Variants in RAD54B observed in about 807,000 individuals in gnomAD.
RAD54B encodes DNA repair and recombination protein RAD54B.
RAD54B carries 78 observed loss-of-function variants against 95.8 expected under a neutral mutation model. The ratio of observed to expected loss-of-function variants is 0.81; its 90% CI spans 0.68 to 0.98. The LOEUF (loss-of-function observed/expected upper bound fraction) is 0.98. RAD54B is among the 50% of genes least tolerant of loss of function. The probability of loss-of-function intolerance (pLI) is 0.00; values close to 1 mark genes in which losing one functional copy is unlikely to be tolerated. For synonymous variants in RAD54B, 328 were observed against 354.9 expected, an observed-to-expected ratio of 0.92 and a Z score of 0.85; for missense variants, 957 against 1,056.6, an observed-to-expected ratio of 0.91 and a Z score of 1.31.
intron 2 of RAD54B, among the ~76,000 whole-genome samples, chr8:94,458,962 G>A (rs1341488542): frequency 1.3e-5 from 2 of 152,020 alleles, no homozygotes; most frequent in Non-Finnish European, 2.9e-5. Flanking sequence ...TGATATGACA[G>A]AATGAAAAAT....
chr8:94,383,582 T>G (rs1186136085), intron 11 of RAD54B, among the ~76,000 whole-genome samples: 1 of 152,214 alleles, frequency 6.6e-6, no homozygotes, highest in Non-Finnish European at 1.5e-5. Context: ...CTATTATTAG[T>G]TATTGTTGTT....
At chr8:94,406,157 A>G (rs535002883) in intron 5 of RAD54B, among the ~76,000 whole-genome samples, 68 of 152,038 alleles carry the variant, frequency 4.5e-4, no homozygotes, top group African/African-American at 1.4e-3. Flanking sequence ...TATACTAGAC[A>G]CTCTAAATCT....
At position 94,391,643 on chromosome 8, in the gene RAD54B, C is replaced by T. The variant is rs777292305; in HGVS notation, c.1775G>A (p.Cys592Tyr). 1.5e-5 allele frequency: 25 copies of T among 1,613,696 alleles called. No homozygotes were observed. The East Asian group carries it at 3.6e-4, about 23-fold the overall frequency. The change falls in exon 10 of 15, where the codon TGC (cysteine) becomes TAC (tyrosine). Residue 592 changes from cysteine to tyrosine, a missense_variant. Transcript: ENST00000336148. ...LICIGALKKLCNHPCLLFNSI... is the reference protein window; with the variant it reads ...LICIGALKKLYNHPCLLFNSI... ...GTTGAACAAAAGGCAGGGGTGATTG[C>T]ACAGTTTTTTAAGAGCTCCTATACA...
At position 94,459,790 on chromosome 8, in the gene RAD54B, G is replaced by A. The variant is rs536360379; in HGVS notation, c.136-1354C>T. On this transcript the variant is annotated intron_variant, in intron 2 of 14. Coordinates refer to ENST00000336148, the MANE Select transcript of RAD54B (RefSeq NM_012415.3). ...CAGGAGAATCGCTTGAACTCAGGAG[G>A]CAGAGGTTGCAGTGAGCCAAGAATG... 3.4e-3 allele frequency among the ~76,000 whole-genome samples: 518 copies of A among 151,878 alleles called. 1 individual carries two copies. Among genetic ancestry groups the A allele is most frequent in the African/African-American group, 0.012 (482 of 41,408 alleles).
intron 14 of RAD54B, among the ~76,000 whole-genome samples, chr8:94,375,829 C>T (rs1810554000): frequency 6.6e-6 from 1 of 151,750 alleles, no homozygotes. Flanking sequence ...TATATGCATA[C>T]ATATATATCT....
chr8:94,374,613 A>G (rs918837363), intron 14 of RAD54B, among the ~76,000 whole-genome samples: 1 of 152,188 alleles, frequency 6.6e-6, no homozygotes, highest in Non-Finnish European at 1.5e-5. Flanking sequence ...AACCCTAATG[A>G]TAAGAAAACT....
chr8:94,393,751 C>A lies in RAD54B; in HGVS notation c.1510G>T (p.Ala504Ser). 6.3e-7 allele frequency: 1 copy of A among 1,576,538 alleles called. No homozygotes were observed. The highest frequency in any genetic ancestry group is 8.7e-7 in the Non-Finnish European group (1 of 1,149,742). ...EPIILSREPS[A>S]SEEEKELGER... ...ATTAGAGTAAATTATACCTCAGAAG[C>A]AGAAGGTTCTCTCGATAAAATGATG... The change falls in exon 9 of 15, where the codon GCT (alanine) becomes TCT (serine). Residue 504 changes from alanine to serine, a missense_variant. Ala to Ser is a moderately conservative substitution (Grantham distance 99). Transcript: ENST00000336148.
intron 2 of RAD54B, among the ~76,000 whole-genome samples, chr8:94,466,312 T>C (rs1813022734): frequency 6.6e-6 from 1 of 152,148 alleles, no homozygotes; most frequent in African/African-American, 2.4e-5. Flanking sequence ...TATATGCCTT[T>C]CATATATACT....
intron 3 of RAD54B, among the ~76,000 whole-genome samples, chr8:94,419,944 C>T (rs2515142): frequency 0.095 from 14,430 of 152,056 alleles, 1,124 homozygotes; most frequent in East Asian, 0.32. Flanking sequence ...CATATTTTTA[C>T]TGTATATTTT....
At chr8:94,380,628 C>T (rs934823644) in intron 11 of RAD54B, among the ~76,000 whole-genome samples, 1 of 152,208 alleles carries the variant, frequency 6.6e-6, no homozygotes, top group Non-Finnish European at 1.5e-5. Flanking sequence ...CTGCCTTCTT[C>T]ATCTCTCTGA....
At chr8:94,430,790 G>A (rs749286123) in intron 3 of RAD54B, 133 of 985,194 alleles carry the variant, frequency 1.3e-4, no homozygotes, top group Non-Finnish European at 1.4e-4. Context: ...GTTTATCCCC[G>A]CATGTGAAAA....
intron 14 of RAD54B, among the ~76,000 whole-genome samples, chr8:94,373,841 C>G (rs1382255633): frequency 6.6e-6 from 1 of 152,054 alleles, no homozygotes; most frequent in Non-Finnish European, 1.5e-5. Context: ...TAGCATGTAT[C>G]ATTTCACTTA....
At chr8:94,392,363 G>A (rs1756548548) in intron 9 of RAD54B, among the ~76,000 whole-genome samples, 1 of 152,104 alleles carries the variant, frequency 6.6e-6, no homozygotes, top group South Asian at 2.1e-4. Flanking sequence ...CCGGGTTCAA[G>A]GGAACCTCTT....
chr8:94,407,326 A>G, intron 5 of RAD54B, 113 bp downstream of exon 5: 1 of 1,011,710 alleles, frequency 9.9e-7, no homozygotes, highest in Admixed American at 2.8e-5. Context: ...TATCTCAAGA[A>G]TAATGTATAC....
At chr8:94,453,267 G>A (rs1012531686) in intron 3 of RAD54B, among the ~76,000 whole-genome samples, 1 of 152,162 alleles carries the variant, frequency 6.6e-6, no homozygotes, top group Non-Finnish European at 1.5e-5. Context: ...AGCGGCTCAC[G>A]TCTGTAATCC....
In RAD54B at chr8:94,372,054, T is replaced by TA. The variant is rs1388017455; in HGVS notation, c.*115dup. ...ATTTTGACTATTGTATCAAAAGTGA[T>TA]ATATTTTGCAACATATACTGTAATT... On this transcript the variant is annotated 3_prime_UTR_variant, in exon 15 of 15. Transcript: ENST00000336148. The TA allele has an allele frequency of 8.4e-6, 12 of 1,431,320 alleles. No homozygotes were observed. The highest frequency in any genetic ancestry group is 7.3e-6 in the Non-Finnish European group (8 of 1,093,836). 88.7% of individuals were successfully genotyped at this position (1,431,320 alleles called of 1,614,324 possible).
chr8:94,387,021 G>C lies in RAD54B; in HGVS notation c.1948C>G (p.Leu650Val). 6.2e-7 allele frequency: 1 copy of C among 1,610,630 alleles called. No individual in the cohort carries two copies. The highest frequency in any genetic ancestry group is 8.5e-7 in the Non-Finnish European group (1 of 1,179,030). Residue 650 changes from leucine (L) to valine (V), a missense_variant, in exon 11 of 15, where the codon CTC becomes GTC. Leu to Val is a conservative substitution (Grantham distance 32). Transcript: ENST00000336148. ...CGAAGTTCGTGGATAACCGCTAAGA[G>C]CTTGGACAACACCTGTAGTTTTCCT... ...ESGKLQVLSK[L>V]LAVIHELRPT...
intron 3 of RAD54B, among the ~76,000 whole-genome samples, chr8:94,441,134 A>C (rs561821388): frequency 4.8e-4 from 73 of 152,292 alleles, no homozygotes; most frequent in Non-Finnish European, 6.8e-4. Flanking sequence ...GCTTGCTCAA[A>C]TCAATCACGA....
chr8:94,381,303 T>C (rs201941616), intron 11 of RAD54B, among the ~76,000 whole-genome samples: 5 of 152,156 alleles, frequency 3.3e-5, no homozygotes, highest in Non-Finnish European at 7.4e-5. Flanking sequence ...GATCCACAGA[T>C]AGGGAGTCCC....
Sources: gnomAD v4.1 joint callset for allele counts (sites outside exome capture counted in the v4.1 genomes callset) on GRCh38, gnomAD v4.1.1 for gene constraint, MANE v1.5 for transcripts, NCBI Gene and HGNC (gene_info 2026-07-23, HGNC 2026-07-21) for gene names.